Variants in ARSJ observed in about 807,000 individuals in gnomAD.
The protein encoded by ARSJ is arylsulfatase J.
A neutral mutation model predicts 35.9 loss-of-function variants in ARSJ; 26 were observed. That is an observed-to-expected ratio of 0.72 (90% confidence interval 0.53 to 1.00). The LOEUF (loss-of-function observed/expected upper bound fraction) is 1.00, where lower values mean the gene tolerates loss of function less well. ARSJ is among the 50% of genes least tolerant of loss of function. ARSJ has a pLI of 0.00. For synonymous variants in ARSJ, 294 were observed against 267.6 expected (o/e 1.10, Z -0.96); for missense variants, 667 against 723.6 (o/e 0.92, Z 0.90).
At chr4:113,915,256 G>T (rs766219119) in intron 1 of ARSJ, among the ~76,000 whole-genome samples, 1 of 152,110 alleles carries the variant, frequency 6.6e-6, no homozygotes. Context: ...TATTGGCTCT[G>T]TCTCTAATAC....
At chr4:113,970,267 AG>A (rs1472198985) in intron 1 of ARSJ, among the ~76,000 whole-genome samples, 1 of 152,160 alleles carries the variant, frequency 6.6e-6, no homozygotes, top group African/African-American at 2.4e-5. Context: ...GACTGGACTG[AG>A]GTGTTTATAA....
chr4:113,928,962 GT>G (rs1482198147), intron 1 of ARSJ, among the ~76,000 whole-genome samples: 13 of 152,064 alleles, frequency 8.5e-5, no homozygotes, highest in African/African-American at 2.9e-4. Context: ...CTTGCTCACA[GT>G]GGGCCATCTT....
chr4:113,902,767 G>C lies in ARSJ; in HGVS notation c.1307C>G (p.Ala436Gly). The C allele has an allele frequency of 6.2e-7, 1 of 1,614,166 alleles. No individual in the cohort carries two copies. Among genetic ancestry groups the C allele is most frequent in the East Asian group, 2.2e-5 (1 of 44,886 alleles). The change falls in exon 2 of 2, where the codon GCA becomes GGA. Residue 436 changes from alanine to glycine, a missense_variant. Physicochemically the swap from Ala to Gly is moderately conservative, Grantham distance 60. Coordinates refer to ENST00000315366, the MANE Select transcript of ARSJ (RefSeq NM_024590.4). ...YTKAKNGSWAAGYGIWNTAIQ... is the reference protein window; with the variant it reads ...YTKAKNGSWAGGYGIWNTAIQ... ...TGCAGTGTTCCAGATCCCATAGCCTGCTGCCCAGGAGCCATTTTTTGCCTT... is the reference window on the plus strand; with the variant it reads ...TGCAGTGTTCCAGATCCCATAGCCTCCTGCCCAGGAGCCATTTTTTGCCTT...
chr4:113,904,340 GTTATTA>G (rs1007562598), intron 1 of ARSJ, among the ~76,000 whole-genome samples: 1 of 152,080 alleles, frequency 6.6e-6, no homozygotes, highest in African/African-American at 2.4e-5. Flanking sequence ...GAATCAGAGT[GTTATTA>G]TTATTATTGC....
chr4:113,919,854 G>T (rs1465288484), intron 1 of ARSJ, among the ~76,000 whole-genome samples: 1 of 152,166 alleles, frequency 6.6e-6, no homozygotes, highest in African/African-American at 2.4e-5. Flanking sequence ...CAGGAGGGCA[G>T]CCTGAAAAAG....
At chr4:113,915,184 T>C (rs772906567) in intron 1 of ARSJ, among the ~76,000 whole-genome samples, 15 of 152,144 alleles carry the variant, frequency 9.9e-5, no homozygotes, top group Admixed American at 2.0e-4. Context: ...TCTCTGAACT[T>C]GTAATCTATC....
Position 113,978,901 on chromosome 4 carries a change from A to T in ARSJ, c.-67T>A, listed in dbSNP as rs1727765180. ...GCCCCGCGCCGCTGCGGGCGCACAC[A>T]TGCACCCAACAGACGGTGAAGACTC... On this transcript the variant is annotated 5_prime_UTR_variant, in exon 1 of 2. It removes an upstream start codon present in the reference 5' UTR. Coordinates refer to ENST00000315366, the MANE Select transcript of ARSJ (RefSeq NM_024590.4). 3 of 1,483,132 alleles carry T rather than the reference A, an allele frequency of 2.0e-6. No individual in the cohort carries two copies. The highest frequency in any genetic ancestry group is 1.4e-5 in the African/African-American group (1 of 71,078). 91.9% of individuals were successfully genotyped at this position (1,483,132 alleles called of 1,614,324 possible). A position where few individuals can be genotyped will look rare whatever the true frequency, so the allele number is the denominator to read the frequency against.
intron 1 of ARSJ, among the ~76,000 whole-genome samples, chr4:113,916,924 C>A (rs1035805981): frequency 6.6e-6 from 1 of 152,138 alleles, no homozygotes; most frequent in African/African-American, 2.4e-5. Flanking sequence ...AGGATAGGTG[C>A]TGAATCTAAA....
At position 113,938,819 on chromosome 4, in the gene ARSJ, G is replaced by T. The variant is rs544646220; in HGVS notation, c.399-35144C>A. On this transcript the variant is annotated intron_variant, in intron 1 of 1. Transcript: ENST00000315366. ...TGTGGCCAAGAACCATACGAGAAAA[G>T]CTCAACATCACTGATCATTAGAGAA... is the stretch of plus-strand genomic sequence containing the variant. Among the ~76,000 whole-genome samples the T allele has an allele frequency of 5.1e-4, 78 of 151,996 alleles. 1 individual carries two copies. Among genetic ancestry groups the T allele is most frequent in the African/African-American group, 1.6e-3 (65 of 41,502 alleles).
Position 113,902,858 on chromosome 4 carries a change from T to C in ARSJ, c.1216A>G (p.Thr406Ala). The C allele has an allele frequency of 6.2e-7, 1 of 1,614,140 alleles. No homozygotes were observed. Among genetic ancestry groups the C allele is most frequent in the Non-Finnish European group, 8.5e-7 (1 of 1,180,030 alleles). Residue 406 changes from threonine (T) to alanine (A), a missense_variant, in exon 2 of 2, where the codon ACC (threonine) becomes GCC (alanine). Physicochemically the swap from Thr to Ala is moderately conservative, Grantham distance 58. Transcript: ENST00000315366. Reference sequence around the variant, plus strand: ...GGTGAGCGAAGACCCTCACTTATGGTCTCCCAGATATCATAGCCATCTAGT... The same window carrying C: ...GGTGAGCGAAGACCCTCACTTATGGCCTCCCAGATATCATAGCCATCTAGT... ...IQLDGYDIWE[T>A]ISEGLRSPRV...
intron 1 of ARSJ, among the ~76,000 whole-genome samples, chr4:113,909,314 A>G (rs1206881624): frequency 1.3e-5 from 2 of 152,182 alleles, no homozygotes; most frequent in Non-Finnish European, 2.9e-5. Flanking sequence ...TAAAAAAGAA[A>G]ATAAACAAAC....
Position 113,903,212 on chromosome 4 carries a change from T to C in ARSJ, c.862A>G (p.Ile288Val). 6.2e-7 allele frequency: 1 copy of C among 1,614,212 alleles called. No individual in the cohort carries two copies. The highest frequency in any genetic ancestry group is 1.1e-5 in the South Asian group (1 of 91,082). Residue 288 changes from isoleucine (I) to valine (V), a missense_variant, in exon 2 of 2, where the codon ATA (isoleucine) becomes GTA (valine). Coordinates refer to ENST00000315366, the MANE Select transcript of ARSJ (RefSeq NM_024590.4). ...YFEHYRSIIN[I>V]NRRRYAAMLS... ...ATGGCAGCATATCTCCTCCTGTTTA[T>C]GTTGATAATGGATCGGTAGTGTTCG...
rs1197923123 is a variant in ARSJ, at chr4:113,906,859, G to A, written c.399-3184C>T. ...ATAGCTTTAACAATTATCCCAGAAT[G>A]CTGAATCGGTGTCACTAACATTTGC... On this transcript the variant is annotated intron_variant, in intron 1 of 1. Coordinates refer to ENST00000315366, the MANE Select transcript of ARSJ (RefSeq NM_024590.4). The A allele has an allele frequency of 1.1e-5, 4 of 367,274 alleles. No homozygotes were observed. In the Admixed American group the frequency reaches 1.3e-4, roughly 12 times the overall value. 22.8% of individuals were successfully genotyped at this position (367,274 alleles called of 1,614,324 possible). A position where few individuals can be genotyped will look rare whatever the true frequency, so the allele number is the denominator to read the frequency against.
At chr4:113,905,453 A>T (rs2099668420) in intron 1 of ARSJ, among the ~76,000 whole-genome samples, 1 of 152,090 alleles carries the variant, frequency 6.6e-6, no homozygotes, top group Admixed American at 6.6e-5. Context: ...ACACACACTG[A>T]TGTTTCTGTG....
chr4:113,930,818 A>G (rs1156835829), intron 1 of ARSJ, among the ~76,000 whole-genome samples: 2 of 150,594 alleles, frequency 1.3e-5, no homozygotes, highest in Non-Finnish European at 3.0e-5. Context: ...AATGTGGCAC[A>G]TATACACCAT....
chr4:113,917,639 A>G (rs1362792603), intron 1 of ARSJ, among the ~76,000 whole-genome samples: 1 of 152,160 alleles, frequency 6.6e-6, no homozygotes, highest in Non-Finnish European at 1.5e-5. Context: ...GAATTACACT[A>G]TTTCCCTTTG....
At chr4:113,920,330 A>G (rs1395192898) in intron 1 of ARSJ, among the ~76,000 whole-genome samples, 1 of 152,214 alleles carries the variant, frequency 6.6e-6, no homozygotes, top group Non-Finnish European at 1.5e-5. Flanking sequence ...TTCATAAAAC[A>G]CAACGGTAAA....
intron 1 of ARSJ, among the ~76,000 whole-genome samples, chr4:113,940,050 A>G (rs1725044504): frequency 6.6e-6 from 1 of 152,140 alleles, no homozygotes; most frequent in African/African-American, 2.4e-5. Flanking sequence ...GGGAATGTAA[A>G]TTAGTTCAAC....
At chr4:113,920,070 A>C (rs1723570077) in intron 1 of ARSJ, among the ~76,000 whole-genome samples, 1 of 152,144 alleles carries the variant, frequency 6.6e-6, no homozygotes, top group African/African-American at 2.4e-5. Flanking sequence ...GGACAGATTA[A>C]TATTCCCTCA....
Sources: gnomAD v4.1 joint callset for allele counts (sites outside exome capture counted in the v4.1 genomes callset) on GRCh38, gnomAD v4.1.1 for gene constraint, MANE v1.5 for transcripts, NCBI Gene and HGNC (gene_info 2026-07-23, HGNC 2026-07-21) for gene names.